Variants in STMND1 observed in about 807,000 individuals in gnomAD.
STMND1 encodes the protein stathmin domain-containing protein 1.
In STMND1, 17 loss-of-function variants were observed where a neutral mutation model predicts 23.0. That is an observed-to-expected ratio of 0.74 (90% CI 0.51 to 1.11). The LOEUF (loss-of-function observed/expected upper bound fraction) is 1.11, where lower values mean the gene tolerates loss of function less well. Ranked by LOEUF, STMND1 falls within the 50% of genes least tolerant of loss-of-function variation. The pLI is 0.00. For synonymous variants in STMND1, 114 were observed against 119.9 expected (o/e 0.95, Z 0.32); for missense variants, 305 against 329.1 (o/e 0.93, Z 0.57).
rs139429770 is a variant in STMND1 at position 17,123,613 on chromosome 6, C to T, written c.411+2855C>T. On this transcript the variant is annotated intron_variant, in intron 3 of 4. Coordinates refer to ENST00000536551, the MANE Select transcript of STMND1 (RefSeq NM_001190766.2). The stretch of plus-strand genomic sequence containing the variant: ...TCCCAGGTGATTCCCATGGGCAGCC[C>T]GGTTGAGAACTACTGCCGTGAAGTT... Among the ~76,000 whole-genome samples, 929 of 152,180 alleles carry T rather than the reference C, an allele frequency of 6.1e-3. 10 individuals are homozygous for T. Among genetic ancestry groups the T allele is most frequent in the African/African-American group, 0.021 (882 of 41,516 alleles).
At chr6:17,128,571 C>A (rs1581375524) in intron 3 of STMND1, 1 of 152,364 alleles carries the variant, frequency 6.6e-6, no homozygotes, top group East Asian at 1.9e-4. Flanking sequence ...CACCTGCATT[C>A]ATAGGGCCTT....
chr6:17,122,136 C>G (rs1235631847), intron 3 of STMND1, among the ~76,000 whole-genome samples: 1 of 152,110 alleles, frequency 6.6e-6, no homozygotes, highest in Non-Finnish European at 1.5e-5. Flanking sequence ...TTTGGGATTA[C>G]AGGTGTGAGC....
chr6:17,118,921 G>A (rs941402668), intron 2 of STMND1, among the ~76,000 whole-genome samples: 8 of 152,098 alleles, frequency 5.3e-5, no homozygotes, highest in East Asian at 1.9e-4. Flanking sequence ...TGCATTTGAC[G>A]TCATACAGCG....
intron 3 of STMND1, among the ~76,000 whole-genome samples, chr6:17,121,273 T>C (rs1049266957): frequency 3.3e-5 from 5 of 152,194 alleles, no homozygotes; most frequent in African/African-American, 1.2e-4. Context: ...GAGAACAGAC[T>C]AATACACCAC....
intron 3 of STMND1, among the ~76,000 whole-genome samples, chr6:17,125,234 G>A (rs4083531): frequency 1.3e-5 from 2 of 151,656 alleles, no homozygotes; most frequent in Admixed American, 1.3e-4. Context: ...GATTGTTGAG[G>A]GAATCTTTCA....
At chr6:17,112,771 C>T (rs912457339) in intron 1 of STMND1, among the ~76,000 whole-genome samples, 15 of 151,450 alleles carry the variant, frequency 9.9e-5, no homozygotes, top group Admixed American at 3.9e-4. Flanking sequence ...AGGGAGACTC[C>T]GTCTCAAAAA....
intron 3 of STMND1, among the ~76,000 whole-genome samples, chr6:17,126,059 TATATATATA>T (rs1256810650): frequency 1.2e-3 from 32 of 27,140 alleles, no homozygotes; most frequent in East Asian, 2.8e-3. Context: ...TATATATATA[TATATATATA>T]TATTTTTTTT....
At position 17,102,238 on chromosome 6, in the gene STMND1, G is replaced by A. The variant is rs1018804384; in HGVS notation, c.-20G>A. On this transcript the variant is annotated 5_prime_UTR_variant, in exon 1 of 5. Coordinates refer to ENST00000536551, the MANE Select transcript of STMND1 (RefSeq NM_001190766.2). ...GCGCACAGCAGCCAAGCCCGCGGAG[G>A]AGGAGCGCGCGCGCGCAGCATGGGC... 5 of 1,522,958 alleles carry A rather than the reference G, an allele frequency of 3.3e-6. No homozygotes were observed. The Admixed American group carries it at 6.1e-5, about 19-fold the overall frequency. 94.3% of individuals were successfully genotyped at this position (1,522,958 alleles called of 1,614,324 possible). A position where few individuals can be genotyped will look rare whatever the true frequency, so the allele number is the denominator to read the frequency against.
At position 17,102,323 on chromosome 6, in the gene STMND1, G is replaced by A; in HGVS notation, c.66G>A (p.Trp22Ter). ...GTGTACGCGCGCCCAAGAAGGGCTG[G>A]AAAGAGGAATTCAAGGTAATAAACA... ...RRRVRAPKKG[W>*]KEEFKADVSV... Residue 22 changes from tryptophan to a stop codon, truncating the protein, a stop_gained, in exon 1 of 5, where the codon TGG becomes TGA. Transcript: ENST00000536551. LOFTEE classifies it high-confidence loss of function. 6.5e-7 allele frequency: 1 copy of A among 1,535,954 alleles called. No individual in the cohort carries two copies. Among genetic ancestry groups the A allele is most frequent in the Non-Finnish European group, 8.7e-7 (1 of 1,146,874 alleles).
At chr6:17,122,955 G>A (rs1360173128) in intron 3 of STMND1, among the ~76,000 whole-genome samples, 1 of 152,036 alleles carries the variant, frequency 6.6e-6, no homozygotes, top group African/African-American at 2.4e-5. Flanking sequence ...AAAAAAGAAG[G>A]CATGTCAAAA....
intron 4 of STMND1, 26 bp downstream of exon 4, chr6:17,129,269 C>T: frequency 6.5e-7 from 1 of 1,531,676 alleles, no homozygotes; most frequent in Non-Finnish European, 8.7e-7. Flanking sequence ...ATGCTCTAGG[C>T]TTGAGGAGTT....
At chr6:17,126,045 TA>T (rs1286717424) in intron 3 of STMND1, among the ~76,000 whole-genome samples, 4 of 29,670 alleles carry the variant, frequency 1.3e-4, no homozygotes, top group Non-Finnish European at 1.8e-4. Context: ...TATATATATA[TA>T]TATATATATA....
At chr6:17,126,068 A>T (rs1179209175) in intron 3 of STMND1, among the ~76,000 whole-genome samples, 655 of 21,286 alleles carry the variant, frequency 0.031, 44 homozygotes, top group East Asian at 0.12. Flanking sequence ...ATATATATAT[A>T]TATTTTTTTT....
chr6:17,130,958 G>A lies in STMND1; in HGVS notation c.*77G>A. 1.5e-6 allele frequency: 2 copies of A among 1,325,116 alleles called. No individual in the cohort carries two copies. Among genetic ancestry groups the A allele is most frequent in the African/African-American group, 1.5e-5 (1 of 68,118 alleles). 82.1% of individuals were successfully genotyped at this position (1,325,116 alleles called of 1,614,324 possible). On this transcript the variant is annotated 3_prime_UTR_variant, in exon 5 of 5. Transcript: ENST00000536551. ...ATTTGTAGTATGTCTCATATTCTTT[G>A]ACTGACTGACCTCATTCCACTGGGA...
chr6:17,130,549 GA>G, intron 4 of STMND1, 44 bp from the exon 5 acceptor site: 1 of 1,397,868 alleles, frequency 7.2e-7, no homozygotes, highest in Non-Finnish European at 9.4e-7. Flanking sequence ...ACAACTTGGA[GA>G]AAGTTATTCA....
In STMND1 at chr6:17,111,581, G is replaced by A. The variant is rs544185617; in HGVS notation, c.82-3381G>A. On this transcript the variant is annotated intron_variant, in intron 1 of 4. Coordinates refer to ENST00000536551, the MANE Select transcript of STMND1 (RefSeq NM_001190766.2). ...GCTACTCCTTATCACTAAATAGAGC[G>A]AGGTAGACCTATGTATGTTGACATA... is the stretch of plus-strand genomic sequence containing the variant. Among the ~76,000 whole-genome samples the A allele has an allele frequency of 7.9e-5, 12 of 152,248 alleles. No individual in the cohort carries two copies. In the East Asian group the frequency reaches 9.6e-4, roughly 12 times the overall value.
Position 17,102,237 on chromosome 6 carries a change from G to A in STMND1, c.-21G>A, listed in dbSNP as rs1318208146. 17 of 1,523,036 alleles carry A rather than the reference G, an allele frequency of 1.1e-5. No individual in the cohort carries two copies. The highest frequency in any genetic ancestry group is 1.4e-5 in the Non-Finnish European group (16 of 1,141,592). The allele number at this position is 1,523,036 out of a possible 1,614,324, so 94.3% of individuals were successfully genotyped here. A position where few individuals can be genotyped will look rare whatever the true frequency, so the allele number is the denominator to read the frequency against. On this transcript the variant is annotated 5_prime_UTR_variant, in exon 1 of 5. Coordinates refer to ENST00000536551, the MANE Select transcript of STMND1 (RefSeq NM_001190766.2). ...GGCGCACAGCAGCCAAGCCCGCGGA[G>A]GAGGAGCGCGCGCGCGCAGCATGGG...
At chr6:17,117,973 C>T (rs1321983559) in intron 2 of STMND1, among the ~76,000 whole-genome samples, 1 of 152,024 alleles carries the variant, frequency 6.6e-6, no homozygotes, top group Non-Finnish European at 1.5e-5. Context: ...GCCAGGGTTA[C>T]ACAATTTTAG....
Position 17,130,863 on chromosome 6 carries a change from A to G in STMND1, c.813A>G (p.Ala271=). 1 of 1,526,750 alleles carries G rather than the reference A, an allele frequency of 6.5e-7. No homozygotes were observed. Among genetic ancestry groups the G allele is most frequent in the Non-Finnish European group, 8.8e-7 (1 of 1,141,188 alleles). 94.6% of individuals were successfully genotyped at this position (1,526,750 alleles called of 1,614,324 possible). Residue 271 remains alanine, a synonymous_variant, in exon 5 of 5, where the codon GCA becomes GCG. Coordinates refer to ENST00000536551, the MANE Select transcript of STMND1 (RefSeq NM_001190766.2). ...AGTCAGACATGTCCTACAACCAAGC[A>G]GATGACATAGTCTACTAAGCCATTT... ...VVESDMSYNQ[A]DDIVY
Sources: gnomAD v4.1 joint callset for allele counts (sites outside exome capture counted in the v4.1 genomes callset) on GRCh38, gnomAD v4.1.1 for gene constraint, MANE v1.5 for transcripts, NCBI Gene and HGNC (gene_info 2026-07-23, HGNC 2026-07-21) for gene names.